The following KDM5A variants were observed in gnomAD, a reference collection of about 807,000 sequenced individuals.
KDM5A encodes the protein lysine demethylase 5A, also known as lysine-specific demethylase 5A.
In KDM5A, 42 loss-of-function variants were observed where a neutral mutation model predicts 193.5. The ratio of observed to expected loss-of-function variants is 0.22; its 90% CI spans 0.17 to 0.28. The LOEUF is 0.28. Ranked by LOEUF, KDM5A falls within the 10% of genes least tolerant of loss-of-function variation. The pLI is 1.00. For synonymous variants in KDM5A, 796 were observed against 718.1 expected, an observed-to-expected ratio of 1.11 and a Z score of -1.73; for missense variants, 1,692 against 2,055.1, an observed-to-expected ratio of 0.82 and a Z score of 3.42.
At chr12:340,219 G>A (rs551646495) in intron 10 of KDM5A, among the ~76,000 whole-genome samples, 15 of 152,062 alleles carry the variant, frequency 9.9e-5, no homozygotes, top group African/African-American at 1.9e-4. Context: ...AAGACATTGC[G>A]ACTCCATCTG....
chr12:292,281 G>A (rs550937511), intron 27 of KDM5A, among the ~76,000 whole-genome samples: 8 of 152,266 alleles, frequency 5.3e-5, no homozygotes, highest in African/African-American at 1.4e-4. Context: ...TTAGGAGGGT[G>A]CCCACAGCTC....
intron 5 of KDM5A, among the ~76,000 whole-genome samples, chr12:359,187 A>G (rs1483508514): frequency 6.6e-6 from 1 of 152,156 alleles, no homozygotes; most frequent in African/African-American, 2.4e-5. Flanking sequence ...GCTGGATTAG[A>G]GTGTGAATGC....
intron 1 of KDM5A, chr12:388,168 G>A (rs549895746): frequency 2.5e-6 from 1 of 392,208 alleles, no homozygotes; most frequent in African/African-American, 2.1e-5. Flanking sequence ...TTGACCTTGA[G>A]TAATCACTCA....
rs2137389488 is a variant in KDM5A, at chr12:307,824, C to A, written c.3560G>T (p.Ser1187Ile). 6.2e-7 allele frequency: 1 copy of A among 1,614,192 alleles called. No homozygotes were observed. The highest frequency in any genetic ancestry group is 1.1e-5 in the South Asian group (1 of 91,076). The change falls in exon 23 of 28, where the codon AGC (serine) becomes ATC (isoleucine). Residue 1187 changes from serine to isoleucine, a missense_variant. This residue lies in a region of KDM5A where 965 missense variants were observed against 1,061.0 expected (regional missense o/e 0.91). Coordinates refer to ENST00000399788, the MANE Select transcript of KDM5A (RefSeq NM_001042603.3). The surrounding 1 kb of genome is among the most constrained non-coding windows in gnomAD (Gnocchi z 4.3). ...ACTTGATTTAGGAAGAGGAACACAG[C>A]TGTTATGGAACCAGTCTTTGCAGAG... The part of the protein sequence containing the change: ...CELCKDWFHN[S>I]CVPLPKSSSQ...
intron 10 of KDM5A, among the ~76,000 whole-genome samples, chr12:339,264 A>G (rs550133450): frequency 3.9e-5 from 6 of 152,264 alleles, no homozygotes; most frequent in African/African-American, 1.4e-4. Context: ...ACACAAATGT[A>G]TAATTCCCAG....
rs1943192188 is a variant in KDM5A, at chr12:284,350, T to C, written c.*1106A>G. On this transcript the variant is annotated 3_prime_UTR_variant, in exon 28 of 28. Coordinates refer to ENST00000399788, the MANE Select transcript of KDM5A (RefSeq NM_001042603.3). ...TTTTTTTTTTTAAAAATGGATTTAC[T>C]AAAACAACTTCATCACCCAGAGGTA... The C allele has an allele frequency of 4.3e-6, 1 of 231,128 alleles. No individual in the cohort carries two copies. Among genetic ancestry groups the C allele is most frequent in the South Asian group, 1.8e-4 (1 of 5,494 alleles). The allele number at this position is 231,128 out of a possible 1,614,324, so 14.3% of individuals were successfully genotyped here.
chr12:361,558 A>C (rs1203748364), intron 5 of KDM5A, among the ~76,000 whole-genome samples: 1 of 152,184 alleles, frequency 6.6e-6, no homozygotes, highest in Non-Finnish European at 1.5e-5. Context: ...CATGGTTTCA[A>C]GGTGAACATC....
chr12:321,163 T>C (rs1943711527), intron 17 of KDM5A, 54 bp from the exon 18 acceptor site: 2 of 1,216,588 alleles, frequency 1.6e-6, no homozygotes, highest in African/African-American at 3.0e-5. Context: ...CATTCTGATA[T>C]CAAAAGGGCT....
chr12:348,074 A>T (rs1944101439), intron 10 of KDM5A, among the ~76,000 whole-genome samples: 1 of 151,358 alleles, frequency 6.6e-6, no homozygotes, highest in South Asian at 2.1e-4. Context: ...CAAGAAAAAA[A>T]CAAACAACCC....
chr12:294,295 C>A (rs945319331), intron 26 of KDM5A, among the ~76,000 whole-genome samples: 3 of 151,972 alleles, frequency 2.0e-5, no homozygotes, highest in Non-Finnish European at 4.4e-5. Flanking sequence ...ACAGAAAGAA[C>A]AGGAGGAGGA....
intron 24 of KDM5A, among the ~76,000 whole-genome samples, chr12:305,969 G>GTTTT (rs3038312): frequency 0.17 from 18,024 of 103,760 alleles, 1,838 homozygotes; most frequent in East Asian, 0.29. Context: ...CAATGGAAGT[G>GTTTT]TTTTTTTTTT....
intron 1 of KDM5A, chr12:388,411 C>T (rs545482870): frequency 3.1e-5 from 13 of 419,360 alleles, no homozygotes; most frequent in Middle Eastern, 1.4e-3. Flanking sequence ...TGCTCCTTCT[C>T]TTTCCCCGCT....
intron 5 of KDM5A, among the ~76,000 whole-genome samples, chr12:361,051 A>G (rs767450498): frequency 1.8e-4 from 27 of 152,230 alleles, no homozygotes; most frequent in Non-Finnish European, 3.4e-4. Context: ...ACTAGGAATG[A>G]ACGACAGACA....
chr12:325,590 T>C (rs3753157), intron 14 of KDM5A, among the ~76,000 whole-genome samples: 1 of 151,970 alleles, frequency 6.6e-6, no homozygotes, highest in South Asian at 2.1e-4. Flanking sequence ...GCAGAATTGC[T>C]TGAACCTGAG....
chr12:388,812 G>C, intron 1 of KDM5A, 115 bp downstream of exon 1: 1 of 1,278,834 alleles, frequency 7.8e-7, no homozygotes, highest in Non-Finnish European at 1.1e-6. Context: ...GGCTCCAGTT[G>C]TCTCAAAAGA....
intron 25 of KDM5A, among the ~76,000 whole-genome samples, chr12:296,393 G>A (rs893119979): frequency 6.6e-6 from 1 of 151,898 alleles, no homozygotes; most frequent in African/African-American, 2.4e-5. Context: ...GTGTGGCAAG[G>A]GGAGCGAGCA....
At chr12:331,712 CTGA>C in intron 13 of KDM5A, 104 bp downstream of exon 13, 1 of 1,237,604 alleles carries the variant, frequency 8.1e-7, no homozygotes, top group Non-Finnish European at 1.2e-6. Flanking sequence ...CACTAAAATA[CTGA>C]TGAACCCGAC....
intron 24 of KDM5A, among the ~76,000 whole-genome samples, chr12:300,284 T>C (rs1943425815): frequency 6.6e-6 from 1 of 152,080 alleles, no homozygotes; most frequent in Non-Finnish European, 1.5e-5. Context: ...TAATTGGAAG[T>C]AAAACACCCC....
In KDM5A at chr12:333,525, T is replaced by G; in HGVS notation, c.1615A>C (p.Ile539Leu). 4 of 1,614,160 alleles carry G rather than the reference T, an allele frequency of 2.5e-6. No individual in the cohort carries two copies. Among genetic ancestry groups the G allele is most frequent in the Non-Finnish European group, 3.4e-6 (4 of 1,180,032 alleles). ...TCCATTAGCACGTTGGGGTTCATGA[T>G]GGTAACTAACTGATGCAGAAGATCA... ...QPDLLHQLVT[I>L]MNPNVLMEHG... Residue 539 changes from isoleucine to leucine, a missense_variant, in exon 12 of 28, where the codon ATC (isoleucine) becomes CTC (leucine). This residue lies in a region of KDM5A where 172 missense variants were observed against 260.3 expected (regional missense o/e 0.66). Coordinates refer to ENST00000399788, the MANE Select transcript of KDM5A (RefSeq NM_001042603.3).
Sources: allele counts gnomAD v4.1 joint callset (sites outside exome capture counted in the v4.1 genomes callset), GRCh38; gene constraint gnomAD v4.1.1; regional missense constraint gnomAD v4.1.1; non-coding constraint Gnocchi (gnomAD v3.1); transcripts MANE v1.5; gene names NCBI Gene and HGNC (gene_info 2026-07-23, HGNC 2026-07-21).